OTOGL: variants seen among roughly 807,000 people sequenced by gnomAD.
The protein encoded by OTOGL is otogelin like, also known as otogelin-like protein.
A neutral mutation model predicts 318.5 loss-of-function variants in OTOGL; 285 were observed. The observed-to-expected ratio is 0.89, with a 90% confidence interval of 0.81 to 0.99. The LOEUF is 0.99. OTOGL is among the 50% of genes least tolerant of loss of function. OTOGL has a pLI of 0.00. For missense variants in OTOGL, 2,899 were observed against 2,845.6 expected (o/e 1.02, Z -0.43); for synonymous variants, 987 against 936.5 (o/e 1.05, Z -0.99).
At chr12:80,279,299 CT>C in intron 26 of OTOGL, 133 bp downstream of exon 26, 2 of 978,704 alleles carry the variant, frequency 2.0e-6, no homozygotes, top group Non-Finnish European at 2.9e-6. Context: ...ATATTTTCAA[CT>C]TTTATTTCAG....
intron 1 of OTOGL, among the ~76,000 whole-genome samples, chr12:80,204,186 C>A (rs1037216283): frequency 5.3e-5 from 8 of 152,120 alleles, no homozygotes; most frequent in African/African-American, 1.9e-4. Context: ...AAACGAAGGG[C>A]ATAATTCCTT....
intron 11 of OTOGL, among the ~76,000 whole-genome samples, chr12:80,245,993 G>C (rs539470771): frequency 4.2e-3 from 609 of 143,872 alleles, no homozygotes; most frequent in Non-Finnish European, 4.4e-3. Context: ...GAATGCTTGT[G>C]ATTTTTGTAC....
In OTOGL at chr12:80,367,567, A is replaced by G; in HGVS notation, c.6338A>G (p.Asp2113Gly). 6.6e-7 allele frequency: 1 copy of G among 1,519,170 alleles called. No homozygotes were observed. The highest frequency in any genetic ancestry group is 1.2e-5 in the South Asian group (1 of 82,108). The allele number at this position is 1,519,170 out of a possible 1,614,324, so 94.1% of individuals were successfully genotyped here. A position where few individuals can be genotyped will look rare whatever the true frequency, so the allele number is the denominator to read the frequency against. The change falls in exon 54 of 59, where the codon GAT (aspartate) becomes GGT (glycine). Residue 2113 changes from aspartate (D) to glycine (G), a missense_variant. By Grantham distance (94) the Asp-to-Gly change is moderately conservative. Coordinates refer to ENST00000547103, the MANE Select transcript of OTOGL (RefSeq NM_001378609.3). Reference protein sequence around the residue: ...CGCIQYLCEKDDVCVFQEVSV... With the variant: ...CGCIQYLCEKGDVCVFQEVSV... ...CTATGTTTTCTGTTCTTAGAAAAGG[A>G]TGATGTGTGTGTATTTCAAGAAGTA...
chr12:80,249,971 T>C (rs1881363378), intron 11 of OTOGL, among the ~76,000 whole-genome samples: 2 of 152,004 alleles, frequency 1.3e-5, no homozygotes, highest in African/African-American at 4.8e-5. Context: ...GAAAGGGAAC[T>C]CCCTGACCCC....
intron 36 of OTOGL, 132 bp downstream of exon 36, chr12:80,328,876 T>A: frequency 9.5e-7 from 1 of 1,048,380 alleles, no homozygotes; most frequent in Non-Finnish European, 1.4e-6. Flanking sequence ...CAATGTCTCT[T>A]ACATAGCTTT....
chr12:80,219,736 A>C, intron 5 of OTOGL, 78 bp from the exon 6 acceptor site: 2 of 912,362 alleles, frequency 2.2e-6, no homozygotes, highest in Non-Finnish European at 3.4e-6. Context: ...CAATTTGTCC[A>C]AGCTATATCT....
At chr12:80,355,257 A>G (rs1889815267) in intron 46 of OTOGL, among the ~76,000 whole-genome samples, 1 of 113,998 alleles carries the variant, frequency 8.8e-6, no homozygotes, top group African/African-American at 3.4e-5. Flanking sequence ...TTGAGACAGG[A>G]TCTACTCTGT....
chr12:80,105,553 T>C (rs142987973), intron 1 of OTOGL, among the ~76,000 whole-genome samples: 1 of 152,360 alleles, frequency 6.6e-6, no homozygotes, highest in East Asian at 1.9e-4. Flanking sequence ...TAAATTGTTC[T>C]AATTAAGACC....
At position 80,307,284 on chromosome 12, in the gene OTOGL, G is replaced by A. The variant is rs909397567; in HGVS notation, c.3333+1589G>A. ...TCCCCCCTTTCTATTCTACAAAACCGCCATTGTCATCATGGCCCGTTCTCA... is the reference window on the plus strand; with the variant it reads ...TCCCCCCTTTCTATTCTACAAAACCACCATTGTCATCATGGCCCGTTCTCA... On this transcript the variant is annotated intron_variant, in intron 29 of 58. Coordinates refer to ENST00000547103, the MANE Select transcript of OTOGL (RefSeq NM_001378609.3). Among the ~76,000 whole-genome samples the A allele has an allele frequency of 1.9e-3, 285 of 150,880 alleles. 3 individuals carry two copies. Among genetic ancestry groups the A allele is most frequent in the African/African-American group, 6.4e-3 (261 of 41,096 alleles).
Position 80,339,277 on chromosome 12 carries a change from C to G in OTOGL, c.5050+13C>G. ...GAAGGACTCTGTGGTGAGCGCTGCC[C>G]TTCAAATCTTGATTTCGTCTGTTTT... On this transcript the variant is annotated intron_variant, in intron 43 of 58. Transcript: ENST00000547103. The G allele has an allele frequency of 8.5e-7, 1 of 1,171,094 alleles. No homozygotes were observed. The highest frequency in any genetic ancestry group is 2.0e-4 in the Middle Eastern group (1 of 4,948). The allele number at this position is 1,171,094 out of a possible 1,614,324, so 72.5% of individuals were successfully genotyped here.
chr12:80,305,778 T>C, intron 29 of OTOGL, 83 bp downstream of exon 29: 1 of 1,095,094 alleles, frequency 9.1e-7, no homozygotes, highest in Non-Finnish European at 1.2e-6. Flanking sequence ...CTTATTTAGG[T>C]AATATTATTT....
At chr12:80,250,144 A>G (rs990214939) in intron 11 of OTOGL, among the ~76,000 whole-genome samples, 4 of 152,116 alleles carry the variant, frequency 2.6e-5, no homozygotes, top group African/African-American at 4.8e-5. Flanking sequence ...TCACGCTGGG[A>G]GCTGTAGACC....
At chr12:80,162,368 C>A (rs1266303750) in intron 1 of OTOGL, among the ~76,000 whole-genome samples, 2 of 152,088 alleles carry the variant, frequency 1.3e-5, no homozygotes, top group African/African-American at 4.8e-5. Context: ...CAACTAGTTC[C>A]TTTTTATTAA....
chr12:80,378,608 C>T lies in OTOGL; in HGVS notation c.*560C>T, dbSNP rs1428070057. On this transcript the variant is annotated 3_prime_UTR_variant, in exon 59 of 59. Transcript: ENST00000547103. ...CAGGTGTAACAGATAACCAGAGAAG[C>T]TGTGTGACTCGTACAAATTTATTCA... 1.3e-5 allele frequency: 2 copies of T among 152,710 alleles called. No homozygotes were observed. Among genetic ancestry groups the T allele is most frequent in the Admixed American group, 6.5e-5 (1 of 15,356 alleles). 9.5% of individuals were successfully genotyped at this position (152,710 alleles called of 1,614,324 possible).
intron 26 of OTOGL, among the ~76,000 whole-genome samples, chr12:80,282,034 C>T (rs1476823184): frequency 6.6e-6 from 1 of 151,742 alleles, no homozygotes; most frequent in Non-Finnish European, 1.5e-5. Context: ...AAACTCCAGG[C>T]TTTATATATC....
At chr12:80,256,679 G>A (rs1882081387) in intron 17 of OTOGL, among the ~76,000 whole-genome samples, 1 of 152,032 alleles carries the variant, frequency 6.6e-6, no homozygotes, top group Non-Finnish European at 1.5e-5. Context: ...ACTTTGGAAG[G>A]GAAGAGAGAC....
At chr12:80,138,731 A>G (rs1348766941) in intron 1 of OTOGL, among the ~76,000 whole-genome samples, 2 of 152,212 alleles carry the variant, frequency 1.3e-5, no homozygotes, top group African/African-American at 4.8e-5. Context: ...CAAGAGTATA[A>G]TAACAGACTG....
At chr12:80,127,438 T>A (rs199737064) in intron 1 of OTOGL, among the ~76,000 whole-genome samples, 2 of 152,242 alleles carry the variant, frequency 1.3e-5, no homozygotes, top group African/African-American at 2.4e-5. Context: ...CTTCCCTTTG[T>A]GGGTAACCCA....
chr12:80,320,487 G>A lies in OTOGL; in HGVS notation c.3868G>A (p.Asp1290Asn), dbSNP rs779429202. Reference sequence around the variant, plus strand: ...CTACTTTCTCTATGTCCATGACAATGATACTCTTAGCTTGGAGCTGTGGGA... The same window carrying A: ...CTACTTTCTCTATGTCCATGACAATAATACTCTTAGCTTGGAGCTGTGGGA... ...PNYFLYVHDN[D>N]TLSLELWEAN... Residue 1290 changes from aspartate to asparagine, a missense_variant, in exon 34 of 59, where the codon GAT (aspartate) becomes AAT (asparagine). Coordinates refer to ENST00000547103, the MANE Select transcript of OTOGL (RefSeq NM_001378609.3). The A allele has an allele frequency of 6.2e-7, 1 of 1,613,536 alleles. No individual in the cohort carries two copies. The highest frequency in any genetic ancestry group is 8.5e-7 in the Non-Finnish European group (1 of 1,179,648).
Sources: gnomAD v4.1 joint callset for allele counts (sites outside exome capture counted in the v4.1 genomes callset) on GRCh38, gnomAD v4.1.1 for gene constraint, MANE v1.5 for transcripts, NCBI Gene and HGNC (gene_info 2026-07-23, HGNC 2026-07-21) for gene names.